SHOC1: variants seen among roughly 807,000 people sequenced by gnomAD.
SHOC1 encodes protein shortage in chiasmata 1 ortholog.
A neutral mutation model predicts 179.2 loss-of-function variants in SHOC1; 136 were observed. The observed-to-expected ratio is 0.76, with a 90% CI of 0.66 to 0.87. The LOEUF (loss-of-function observed/expected upper bound fraction) is 0.87, where lower values mean the gene tolerates loss of function less well. SHOC1 is among the 40% of genes least tolerant of loss of function. SHOC1 has a pLI of 0.00. For synonymous variants in SHOC1, 489 were observed against 586.6 expected (o/e 0.83, Z 2.41); for missense variants, 1,538 against 1,700.8 (o/e 0.90, Z 1.68).
At chr9:111,790,710 T>G (rs138543533) in intron 2 of SHOC1, among the ~76,000 whole-genome samples, 1,800 of 152,146 alleles carry the variant, frequency 0.012, 31 homozygotes, top group African/African-American at 0.039. Context: ...CATGCCCGGC[T>G]AATTTTTTTG....
intron 4 of SHOC1, among the ~76,000 whole-genome samples, chr9:111,780,376 G>A (rs867468660): frequency 1.2e-4 from 19 of 152,182 alleles, no homozygotes; most frequent in African/African-American, 3.4e-4. Flanking sequence ...CGTTTACAAT[G>A]TAGAACAGGT....
At chr9:111,723,619 G>C (rs919492090) in intron 14 of SHOC1, among the ~76,000 whole-genome samples, 173 bp downstream of exon 14, 1 of 152,160 alleles carries the variant, frequency 6.6e-6, no homozygotes, top group East Asian at 1.9e-4. Flanking sequence ...AGAGGCAGGG[G>C]TAGTGAACAG....
At chr9:111,708,534 C>T (rs1197662095) in intron 18 of SHOC1, among the ~76,000 whole-genome samples, 1 of 152,148 alleles carries the variant, frequency 6.6e-6, no homozygotes, top group Admixed American at 6.5e-5. Flanking sequence ...AAATTAAACA[C>T]TCACCAATCC....
rs141423137 is a variant in SHOC1 at position 111,735,829 on chromosome 9, C to T, written c.1417+2451G>A. ...CAGTGTAAAAGCATTTCTATTTTTC[C>T]ACATCCTCTGCAGCATCTGTTGTTT... On this transcript the variant is annotated intron_variant, in intron 12 of 27. Coordinates refer to ENST00000682961, the MANE Select transcript of SHOC1 (RefSeq NM_001378211.1). 1.1e-4 allele frequency among the ~76,000 whole-genome samples: 17 copies of T among 152,268 alleles called. No homozygotes were observed. The East Asian group carries it at 2.9e-3, about 26-fold the overall frequency.
Position 111,737,836 on chromosome 9 carries a change from A to C in SHOC1, c.1417+444T>G, listed in dbSNP as rs188684666. 182 of 168,990 alleles carry C rather than the reference A, an allele frequency of 1.1e-3. 1 individual carries two copies. Among genetic ancestry groups the C allele is most frequent in the Non-Finnish European group, 1.6e-3 (130 of 79,814 alleles). 10.5% of individuals were successfully genotyped at this position (168,990 alleles called of 1,614,324 possible). Reference sequence around the variant, plus strand: ...TAAGTTGTACAGTAAAAAATGAATTAGTATACTTTTAAGTAACAAACGAAG... The same window carrying C: ...TAAGTTGTACAGTAAAAAATGAATTCGTATACTTTTAAGTAACAAACGAAG... On this transcript the variant is annotated intron_variant, in intron 12 of 27. Transcript: ENST00000682961.
chr9:111,787,090 GA>G (rs988242223), intron 2 of SHOC1, among the ~76,000 whole-genome samples: 22 of 151,854 alleles, frequency 1.4e-4, no homozygotes, highest in Non-Finnish European at 2.4e-4. Context: ...ACTTTTGGGG[GA>G]AAAAAAAGAT....
intron 4 of SHOC1, 64 bp downstream of exon 4, chr9:111,780,866 T>C (rs1480277679): frequency 8.9e-6 from 10 of 1,122,806 alleles, no homozygotes; most frequent in East Asian, 2.4e-5. Flanking sequence ...TTTAGGTATC[T>C]GGAGAACTTA....
chr9:111,691,436 TAGAGA>T (rs1831415170), intron 27 of SHOC1, 110 bp downstream of exon 27: 13 of 883,064 alleles, frequency 1.5e-5, no homozygotes, highest in Non-Finnish European at 2.2e-5. Context: ...CAACAGTTAT[TAGAGA>T]AGTTTTTTAA....
chr9:111,716,797 T>C (rs147994824), intron 16 of SHOC1, among the ~76,000 whole-genome samples: 1 of 152,356 alleles, frequency 6.6e-6, no homozygotes, highest in African/African-American at 2.4e-5. Flanking sequence ...CAGCTATCTT[T>C]AGAAAGCCCA....
chr9:111,769,975 G>GT lies in SHOC1; in HGVS notation c.442+5815dup. Among the ~76,000 whole-genome samples the GT allele has an allele frequency of 9.3e-4, 82 of 87,772 alleles. 6 individuals are homozygous for GT. Among genetic ancestry groups the GT allele is most frequent in the South Asian group, 1.6e-3 (4 of 2,524 alleles). The allele number at this position is 87,772 out of a possible 152,430, so 57.6% of individuals were successfully genotyped here. The stretch of plus-strand genomic sequence containing the variant: ...AATCTAGCGAAAGGTTTTATCTTCT[G>GT]TTTTTTTTTTGTTTTTTTTTTTTTT... On this transcript the variant is annotated intron_variant, in intron 5 of 27. Coordinates refer to ENST00000682961, the MANE Select transcript of SHOC1 (RefSeq NM_001378211.1).
At chr9:111,739,912 T>G (rs1048395100) in intron 11 of SHOC1, among the ~76,000 whole-genome samples, 3 of 152,184 alleles carry the variant, frequency 2.0e-5, no homozygotes, top group Admixed American at 6.5e-5. Context: ...GAAAAAAAAT[T>G]TATTTTCCTC....
intron 24 of SHOC1, 30 bp from the exon 25 acceptor site, chr9:111,694,392 G>A (rs753826819): frequency 2.0e-6 from 3 of 1,481,624 alleles, no homozygotes; most frequent in South Asian, 1.2e-5. Flanking sequence ...TTAGATTATA[G>A]GAAATACTAG....
chr9:111,754,453 A>G (rs1834761381), intron 8 of SHOC1, among the ~76,000 whole-genome samples: 1 of 152,212 alleles, frequency 6.6e-6, no homozygotes, highest in South Asian at 2.1e-4. Context: ...AAAAAGTTAT[A>G]TAATAACAAG....
chr9:111,743,608 C>G (rs1316949711), intron 10 of SHOC1, among the ~76,000 whole-genome samples: 1 of 152,148 alleles, frequency 6.6e-6, no homozygotes, highest in Non-Finnish European at 1.5e-5. Context: ...CTCCAAAGCA[C>G]AAGAGTAATG....
intron 23 of SHOC1, among the ~76,000 whole-genome samples, chr9:111,701,864 A>G (rs1443732112): frequency 2.6e-5 from 4 of 152,174 alleles, no homozygotes; most frequent in Non-Finnish European, 4.4e-5. Flanking sequence ...ATAAAATATT[A>G]AAGCAGCAAT....
At position 111,792,878 on chromosome 9, in the gene SHOC1, A is replaced by T. The variant is rs147242129; in HGVS notation, c.-36-1424T>A. ...CCTCTATGTCTTTTCCACCCAGTGT[A>T]TCACTGATCTTTTTTTTTTTTTGAG... On this transcript the variant is annotated intron_variant, in intron 1 of 27. Coordinates refer to ENST00000682961, the MANE Select transcript of SHOC1 (RefSeq NM_001378211.1). 3.3e-3 allele frequency among the ~76,000 whole-genome samples: 497 copies of T among 148,794 alleles called. 1 individual carries two copies. Among genetic ancestry groups the T allele is most frequent in the Admixed American group, 5.4e-3 (81 of 14,924 alleles).
At chr9:111,782,330 AC>A (rs1464850301) in intron 3 of SHOC1, among the ~76,000 whole-genome samples, 2 of 152,170 alleles carry the variant, frequency 1.3e-5, no homozygotes, top group Non-Finnish European at 1.5e-5. Context: ...AAACATCTCA[AC>A]CTTTTTGCAC....
intron 7 of SHOC1, 139 bp from the exon 8 acceptor site, chr9:111,756,617 A>G: frequency 3.0e-6 from 2 of 677,492 alleles, no homozygotes; most frequent in Admixed American, 3.1e-5. Context: ...AAAGCTATAT[A>G]TACTTTAAAA....
At chr9:111,767,448 C>T (rs1835400567) in intron 5 of SHOC1, among the ~76,000 whole-genome samples, 1 of 151,942 alleles carries the variant, frequency 6.6e-6, no homozygotes, top group Admixed American at 6.6e-5. Flanking sequence ...TGAAGACTAT[C>T]TTCTCATTGT....
Sources: gnomAD v4.1 joint callset for allele counts (sites outside exome capture counted in the v4.1 genomes callset) on GRCh38, gnomAD v4.1.1 for gene constraint, MANE v1.5 for transcripts, NCBI Gene and HGNC (gene_info 2026-07-23, HGNC 2026-07-21) for gene names.